Variants in MINDY3 observed in about 807,000 individuals in gnomAD.
MINDY3 encodes the protein MINDY lysine 48 deubiquitinase 3.
A neutral mutation model predicts 69.2 loss-of-function variants in MINDY3; 38 were observed. That is an observed-to-expected ratio of 0.55 (90% CI 0.42 to 0.72). The LOEUF is 0.72. Among genes scored for constraint, MINDY3 ranks in the 30% least tolerant of loss-of-function variants. The pLI is 0.00. For missense variants in MINDY3, 522 were observed against 519.0 expected, an observed-to-expected ratio of 1.01 and a Z score of -0.06; for synonymous variants, 192 against 180.1, an observed-to-expected ratio of 1.07 and a Z score of -0.53.
chr10:15,831,209 G>A (rs905669964), intron 8 of MINDY3, among the ~76,000 whole-genome samples: 1 of 152,142 alleles, frequency 6.6e-6, no homozygotes, highest in Non-Finnish European at 1.5e-5. Flanking sequence ...TCAGCAGTAA[G>A]AGTTTAAATG....
At chr10:15,853,493 AACACCCCC>A (rs1564535517) in intron 1 of MINDY3, among the ~76,000 whole-genome samples, 1 of 151,520 alleles carries the variant, frequency 6.6e-6, no homozygotes. Flanking sequence ...TGTCCTAAAA[AACACCCCC>A]ATACCCTCAC....
intron 6 of MINDY3, among the ~76,000 whole-genome samples, chr10:15,836,845 C>T (rs754683473): frequency 6.6e-6 from 1 of 151,490 alleles, no homozygotes; most frequent in Non-Finnish European, 1.5e-5. Flanking sequence ...AGAAAACTCA[C>T]ACAGTGATTT....
At chr10:15,846,610 T>A (rs1453514470) in intron 2 of MINDY3, among the ~76,000 whole-genome samples, 1 of 152,132 alleles carries the variant, frequency 6.6e-6, no homozygotes, top group African/African-American at 2.4e-5. Context: ...GAATCAACCA[T>A]AATTTTTCTT....
At chr10:15,822,702 CG>C in intron 8 of MINDY3, among the ~76,000 whole-genome samples, 1 of 151,978 alleles carries the variant, frequency 6.6e-6, no homozygotes, top group East Asian at 1.9e-4. Context: ...GATAAATAGC[CG>C]GAAGTAAGGC....
intron 11 of MINDY3, among the ~76,000 whole-genome samples, chr10:15,795,585 A>G (rs907172057): frequency 1.3e-5 from 2 of 152,090 alleles, no homozygotes; most frequent in African/African-American, 4.8e-5. Flanking sequence ...TGATCAAAAC[A>G]ACCTCAGTGA....
intron 2 of MINDY3, among the ~76,000 whole-genome samples, chr10:15,844,128 G>A (rs1194024178): frequency 6.6e-6 from 1 of 152,128 alleles, no homozygotes; most frequent in African/African-American, 2.4e-5. Flanking sequence ...TTAAAAGTTT[G>A]CAGCGAAGAT....
At chr10:15,793,563 A>T (rs992431263) in intron 11 of MINDY3, among the ~76,000 whole-genome samples, 6 of 152,132 alleles carry the variant, frequency 3.9e-5, no homozygotes, top group African/African-American at 1.4e-4. Flanking sequence ...GTAAACTTAA[A>T]TTTAGAAAGG....
At chr10:15,823,727 C>T (rs1839917597) in intron 8 of MINDY3, among the ~76,000 whole-genome samples, 1 of 152,096 alleles carries the variant, frequency 6.6e-6, no homozygotes. Context: ...ACTCTGCTAT[C>T]AAATATTGAA....
At chr10:15,857,580 G>C (rs1183932497) in intron 1 of MINDY3, among the ~76,000 whole-genome samples, 2 of 151,800 alleles carry the variant, frequency 1.3e-5, no homozygotes, top group African/African-American at 4.9e-5. Flanking sequence ...CAGGAGGAAA[G>C]CAGAGAGAAG....
chr10:15,790,321 A>T (rs999217357), intron 11 of MINDY3, among the ~76,000 whole-genome samples: 16 of 152,144 alleles, frequency 1.1e-4, no homozygotes, highest in African/African-American at 3.9e-4. Context: ...CCATTTGAAG[A>T]CAGATTGGCC....
At chr10:15,782,850 A>C (rs1836653260) in intron 13 of MINDY3, among the ~76,000 whole-genome samples, 1 of 152,212 alleles carries the variant, frequency 6.6e-6, no homozygotes, top group Admixed American at 6.5e-5. Flanking sequence ...AAGCTTGTAG[A>C]AAAATGGGTC....
chr10:15,821,923 G>A (rs1416899000), intron 8 of MINDY3, among the ~76,000 whole-genome samples, 197 bp from the exon 9 acceptor site: 1 of 151,786 alleles, frequency 6.6e-6, no homozygotes, highest in East Asian at 1.9e-4. Flanking sequence ...TCAGGTTTGT[G>A]GTGGGTAAAT....
At position 15,822,322 on chromosome 10, in the gene MINDY3, T is replaced by C. The variant is rs1839821668; in HGVS notation, c.731-596A>G. Among the ~76,000 whole-genome samples, 3 of 151,864 alleles carry C rather than the reference T, an allele frequency of 2.0e-5. No homozygotes were observed. The South Asian group carries it at 6.2e-4, about 32-fold the overall frequency. On this transcript the variant is annotated intron_variant, in intron 8 of 14. Transcript: ENST00000277632. ...AAAGACGACAGATGAAAAAAACATA[T>C]GTGGTCTCTCTGTACACACACACAC...
intron 6 of MINDY3, among the ~76,000 whole-genome samples, chr10:15,836,331 C>A (rs1347612015): frequency 2.0e-5 from 3 of 151,944 alleles, no homozygotes; most frequent in African/African-American, 7.2e-5. Flanking sequence ...AAACAGTATG[C>A]CCTTGATTCC....
intron 8 of MINDY3, among the ~76,000 whole-genome samples, chr10:15,827,100 G>C (rs1840132727): frequency 7.1e-6 from 1 of 141,662 alleles, no homozygotes; most frequent in Admixed American, 7.5e-5. Context: ...CTGGGTGACA[G>C]AGCGAGACCC....
At chr10:15,856,945 C>G (rs1048611623) in intron 1 of MINDY3, among the ~76,000 whole-genome samples, 2 of 152,024 alleles carry the variant, frequency 1.3e-5, no homozygotes, top group Admixed American at 1.3e-4. Flanking sequence ...TCTTGCTGTC[C>G]CAATCCACTA....
chr10:15,850,628 C>T (rs543372013), intron 1 of MINDY3, among the ~76,000 whole-genome samples: 18 of 152,164 alleles, frequency 1.2e-4, no homozygotes, highest in African/African-American at 4.3e-4. Flanking sequence ...TTAGTCAGAC[C>T]GGTTGTCTGC....
At chr10:15,810,985 A>G (rs1260233757) in intron 10 of MINDY3, among the ~76,000 whole-genome samples, 4 of 152,118 alleles carry the variant, frequency 2.6e-5, no homozygotes, top group Admixed American at 1.3e-4. Flanking sequence ...CAAAATTACA[A>G]TTACCACTTA....
At chr10:15,807,003 A>T (rs1197805944) in intron 10 of MINDY3, among the ~76,000 whole-genome samples, 1 of 152,170 alleles carries the variant, frequency 6.6e-6, no homozygotes, top group Admixed American at 6.6e-5. Context: ...ACTGGAGTTT[A>T]AATCCTGCCT....
Sources: gnomAD v4.1 joint callset for allele counts (sites outside exome capture counted in the v4.1 genomes callset) on GRCh38, gnomAD v4.1.1 for gene constraint, MANE v1.5 for transcripts, NCBI Gene and HGNC (gene_info 2026-07-23, HGNC 2026-07-21) for gene names.